The following SLC36A1 variants were observed in gnomAD, a reference collection of about 807,000 sequenced individuals.
The protein encoded by SLC36A1 is solute carrier family 36 member 1.
A neutral mutation model predicts 47.5 loss-of-function variants in SLC36A1; 30 were observed. That is an observed-to-expected ratio of 0.63 (90% CI 0.47 to 0.86). The LOEUF is 0.86. Among genes scored for constraint, SLC36A1 ranks in the 40% least tolerant of loss-of-function variants. SLC36A1 has a pLI of 0.00. For synonymous variants in SLC36A1, 255 were observed against 249.7 expected (o/e 1.02, Z -0.20); for missense variants, 517 against 606.0 (o/e 0.85, Z 1.54).
At chr5:151,390,326 A>T in the SLC36A1 span, among the ~76,000 whole-genome samples, 15 of 152,208 alleles carry the variant, frequency 9.9e-5, no homozygotes, top group East Asian at 2.9e-3. Flanking sequence ...AGATGAGTAG[A>T]TTGCAAAATT....
the SLC36A1 span, chr5:151,549,512 G>T: frequency 1.9e-6 from 3 of 1,613,472 alleles, no homozygotes; most frequent in Non-Finnish European, 2.5e-6. Context: ...GGACCTATGG[G>T]CCCAAAGGGG....
chr5:151,407,942 C>T, the SLC36A1 span, among the ~76,000 whole-genome samples: 1 of 152,162 alleles, frequency 6.6e-6, no homozygotes, highest in Non-Finnish European at 1.5e-5. Context: ...AAGCAGTGAA[C>T]ATTTTGTAGG....
the SLC36A1 span, chr5:151,521,298 C>T: frequency 6.2e-7 from 1 of 1,610,788 alleles, no homozygotes; most frequent in Non-Finnish European, 8.5e-7. Context: ...AGCTCCTCTG[C>T]AGGTGGTGCC....
At chr5:151,363,948 C>T in the SLC36A1 span, among the ~76,000 whole-genome samples, 1 of 152,164 alleles carries the variant, frequency 6.6e-6, no homozygotes. Flanking sequence ...CACTTGAGCT[C>T]ACCACAATGG....
At chr5:151,555,367 CTTTTT>C in the SLC36A1 span, among the ~76,000 whole-genome samples, 1 of 123,108 alleles carries the variant, frequency 8.1e-6, no homozygotes, top group Non-Finnish European at 1.7e-5. Context: ...TAATATATTT[CTTTTT>C]TTTTTTTTTT....
At chr5:151,402,260 G>T in the SLC36A1 span, among the ~76,000 whole-genome samples, 5 of 151,912 alleles carry the variant, frequency 3.3e-5, no homozygotes, top group Non-Finnish European at 7.4e-5. Context: ...TGTTTTTTAT[G>T]TTTAATTCTA....
At chr5:151,345,548 C>T in the SLC36A1 span, among the ~76,000 whole-genome samples, 2 of 152,128 alleles carry the variant, frequency 1.3e-5, no homozygotes, top group East Asian at 1.9e-4. Flanking sequence ...AGAGAACAAT[C>T]GAGGGAGAAA....
At chr5:151,406,867 GGTGA>G in the SLC36A1 span, among the ~76,000 whole-genome samples, 1 of 151,918 alleles carries the variant, frequency 6.6e-6, no homozygotes, top group Non-Finnish European at 1.5e-5. Flanking sequence ...GGGCCCTCGC[GGTGA>G]GTGTTACAGT....
chr5:151,391,937 C>T, the SLC36A1 span, among the ~76,000 whole-genome samples: 10 of 152,232 alleles, frequency 6.6e-5, no homozygotes, highest in East Asian at 1.4e-3. Flanking sequence ...AGGGAGGATT[C>T]CCTCTTTTTC....
the SLC36A1 span, chr5:151,544,774 A>G: frequency 1.9e-6 from 3 of 1,614,064 alleles, no homozygotes; most frequent in Non-Finnish European, 2.5e-6. Flanking sequence ...ATAGGGGTCA[A>G]TTCGGAAATA....
chr5:151,526,566 G>A, the SLC36A1 span, among the ~76,000 whole-genome samples: 1 of 152,164 alleles, frequency 6.6e-6, no homozygotes, highest in Non-Finnish European at 1.5e-5. Flanking sequence ...GAAACTGATC[G>A]TTGCCTATCC....
At chr5:151,450,756 C>T (rs957700009) in intron 1 of SLC36A1, among the ~76,000 whole-genome samples, 4 of 152,310 alleles carry the variant, frequency 2.6e-5, no homozygotes, top group Non-Finnish European at 4.4e-5. Context: ...TGCTTGATAT[C>T]GCTTCAAAGG....
the SLC36A1 span, chr5:151,505,600 T>G: frequency 6.2e-7 from 1 of 1,614,008 alleles, no homozygotes; most frequent in African/African-American, 1.3e-5. Flanking sequence ...CCATAATCAC[T>G]CTCCACCATG....
intron 1 of SLC36A1, among the ~76,000 whole-genome samples, chr5:151,448,350 C>T (rs1263765053): frequency 6.6e-6 from 1 of 152,270 alleles, no homozygotes; most frequent in Non-Finnish European, 1.5e-5. Flanking sequence ...CTGCGGGAAA[C>T]TTCACCTGTG....
the SLC36A1 span, among the ~76,000 whole-genome samples, chr5:151,525,140 T>A: frequency 6.6e-6 from 1 of 152,180 alleles, no homozygotes; most frequent in Non-Finnish European, 1.5e-5. Flanking sequence ...AAAGAATGAA[T>A]ACATCATTCC....
At chr5:151,398,211 C>T in the SLC36A1 span, among the ~76,000 whole-genome samples, 7 of 152,226 alleles carry the variant, frequency 4.6e-5, no homozygotes, top group African/African-American at 7.2e-5. Flanking sequence ...CCTCTGCCTC[C>T]GAGTAGCTTT....
At chr5:151,383,571 A>ATTT in the SLC36A1 span, among the ~76,000 whole-genome samples, 20 of 132,440 alleles carry the variant, frequency 1.5e-4, no homozygotes, top group African/African-American at 1.7e-4. Flanking sequence ...TTTAACTTAA[A>ATTT]TTTTTTTTTT....
chr5:151,354,259 G>A, the SLC36A1 span, among the ~76,000 whole-genome samples: 2 of 152,172 alleles, frequency 1.3e-5, no homozygotes, highest in Admixed American at 6.5e-5. Context: ...AGCCAAGATC[G>A]CACCACTGCA....
At chr5:151,551,976 G>GGGGT in the SLC36A1 span, among the ~76,000 whole-genome samples, 125 of 143,648 alleles carry the variant, frequency 8.7e-4, 1 homozygote, top group African/African-American at 2.4e-3. Flanking sequence ...TAACCCTAAG[G>GGGGT]GTGTGTGTGT....
Sources: gnomAD v4.1 joint callset for allele counts (sites outside exome capture counted in the v4.1 genomes callset) on GRCh38, gnomAD v4.1.1 for gene constraint, MANE v1.5 for transcripts, NCBI Gene and HGNC (gene_info 2026-07-23, HGNC 2026-07-21) for gene names.